Variants in KAT2B observed in about 807,000 individuals in gnomAD.
KAT2B encodes histone acetyltransferase KAT2B.
Under a neutral mutation model 105.9 loss-of-function variants are expected in KAT2B, and 36 were observed. The ratio of observed to expected loss-of-function variants is 0.34; its 90% CI spans 0.26 to 0.45. The LOEUF is 0.45. Ranked by LOEUF, KAT2B falls within the 20% of genes least tolerant of loss-of-function variation. The pLI is 1.00. For missense variants in KAT2B, 820 were observed against 1,021.6 expected, an observed-to-expected ratio of 0.80 and a Z score of 2.69; for synonymous variants, 397 against 377.9, an observed-to-expected ratio of 1.05 and a Z score of -0.59.
chr3:20,112,271 T>G (rs1699135710), intron 6 of KAT2B, among the ~76,000 whole-genome samples: 1 of 151,462 alleles, frequency 6.6e-6, no homozygotes, highest in Middle Eastern at 3.4e-3. Context: ...GAAACTAGAC[T>G]GCAAAAGCAG....
Position 20,140,375 on chromosome 3 carries a change from G to C in KAT2B, c.2004+11G>C. On this transcript the variant is annotated intron_variant, in intron 13 of 17. Transcript: ENST00000263754. ...AAAAAGCAGAAGGAGGTAAGCAGGT[G>C]GTTGACTCCCTTACCTTCTGTACAG... is the stretch of plus-strand genomic sequence containing the variant. 6.2e-7 allele frequency: 1 copy of C among 1,613,216 alleles called. No homozygotes were observed.
rs1697692139 is a variant in KAT2B, at chr3:20,040,524, C to T, written c.47C>T (p.Ala16Val). The T allele has an allele frequency of 4.9e-6, 5 of 1,025,172 alleles. No homozygotes were observed. In the South Asian group the frequency reaches 1.3e-4, roughly 27 times the overall value. The allele number at this position is 1,025,172 out of a possible 1,614,324, so 63.5% of individuals were successfully genotyped here. A position where few individuals can be genotyped will look rare whatever the true frequency, so the allele number is the denominator to read the frequency against. The stretch of plus-strand genomic sequence containing the variant: ...GGGCCGGGCGGCTGCGGGGCAGGAG[C>T]CGGGGCAGGGGCCGGGCCCGGGGCG... ...GAGPGGCGAG[A>V]GAGAGPGALP... is the part of the protein sequence containing the mutation. Residue 16 changes from alanine (A) to valine (V), a missense_variant, in exon 1 of 18, where the codon GCC becomes GTC. Ala to Val is a moderately conservative substitution (Grantham distance 64). This residue lies in a region of KAT2B where 190 missense variants were observed against 176.7 expected (regional missense o/e 1.08). Transcript: ENST00000263754.
At chr3:20,058,726 T>C (rs1357350280) in intron 1 of KAT2B, among the ~76,000 whole-genome samples, 1 of 152,158 alleles carries the variant, frequency 6.6e-6, no homozygotes. Context: ...ACTGGAAGGA[T>C]TGTCACACAG....
At chr3:20,087,419 A>G (rs953106277) in intron 2 of KAT2B, among the ~76,000 whole-genome samples, 3 of 146,106 alleles carry the variant, frequency 2.1e-5, no homozygotes, top group Admixed American at 2.0e-4. Flanking sequence ...TATCGTGTAT[A>G]ATGTGATATT....
chr3:20,129,503 T>C (rs1432754504), intron 11 of KAT2B, among the ~76,000 whole-genome samples: 1 of 151,932 alleles, frequency 6.6e-6, no homozygotes, highest in African/African-American at 2.4e-5. Flanking sequence ...GCCTCATGCG[T>C]AGCTGGGAAC....
At position 20,122,665 on chromosome 3, in the gene KAT2B, T is replaced by C. The variant is rs368666068; in HGVS notation, c.1277-3T>C. Reference sequence around the variant, plus strand: ...TGTTTGCCTTTTATTTTGATCATCATAGGAGAAAAGAGGAAAATGACTGAT... The same window carrying C: ...TGTTTGCCTTTTATTTTGATCATCACAGGAGAAAAGAGGAAAATGACTGAT... On this transcript the variant is annotated splice_polypyrimidine_tract_variant and splice_region_variant and intron_variant, in intron 8 of 17. Transcript: ENST00000263754. 5 of 1,612,328 alleles carry C rather than the reference T, an allele frequency of 3.1e-6. No individual in the cohort carries two copies. Among genetic ancestry groups the C allele is most frequent in the Non-Finnish European group, 3.4e-6 (4 of 1,178,780 alleles).
In KAT2B at chr3:20,095,342, T is replaced by C; in HGVS notation, c.510T>C (p.Tyr170=). Residue 170 remains tyrosine, a synonymous_variant, in exon 3 of 18, where the codon TAT becomes TAC. Coordinates refer to ENST00000263754, the MANE Select transcript of KAT2B (RefSeq NM_003884.5). ...RLLGIVLDVE[Y]LFTCVHKEED... Reference sequence around the variant, plus strand: ...TGGGAATAGTATTGGATGTGGAATATCTCTTTACCTGTGTCCACAAGGAAG... The same window carrying C: ...TGGGAATAGTATTGGATGTGGAATACCTCTTTACCTGTGTCCACAAGGAAG... 6.2e-7 allele frequency: 1 copy of C among 1,600,986 alleles called. No individual in the cohort carries two copies. The highest frequency in any genetic ancestry group is 8.6e-7 in the Non-Finnish European group (1 of 1,168,146).
chr3:20,087,353 A>T, intron 2 of KAT2B, among the ~76,000 whole-genome samples: 1 of 152,072 alleles, frequency 6.6e-6, no homozygotes, highest in South Asian at 2.1e-4. Flanking sequence ...ATGAGAAAAT[A>T]ATTTATTTTT....
intron 11 of KAT2B, among the ~76,000 whole-genome samples, chr3:20,128,231 C>T (rs3804560): frequency 0.12 from 17,788 of 152,170 alleles, 1,281 homozygotes; most frequent in South Asian, 0.35. Context: ...TTAATTTACA[C>T]ATACACGCAA....
intron 15 of KAT2B, 92 bp downstream of exon 15, chr3:20,148,091 C>T: frequency 1.4e-6 from 2 of 1,396,624 alleles, no homozygotes; most frequent in South Asian, 2.4e-5. Flanking sequence ...TAATTGTAAT[C>T]ACTAACACAA....
chr3:20,121,229 C>T (rs2125173767), intron 8 of KAT2B, among the ~76,000 whole-genome samples: 1 of 152,274 alleles, frequency 6.6e-6, no homozygotes, highest in South Asian at 2.1e-4. Flanking sequence ...GAATCGTCTA[C>T]AGTCAAGTTA....
chr3:20,069,424 CCTT>C (rs1698279306), intron 1 of KAT2B, among the ~76,000 whole-genome samples: 1 of 152,192 alleles, frequency 6.6e-6, no homozygotes, highest in East Asian at 1.9e-4. Flanking sequence ...CAACTTCTGT[CCTT>C]CTTGTTAGAG....
intron 2 of KAT2B, among the ~76,000 whole-genome samples, chr3:20,090,496 G>C (rs1046322124): frequency 2.6e-5 from 4 of 152,244 alleles, no homozygotes; most frequent in South Asian, 2.1e-4. Flanking sequence ...TTAATTTGCT[G>C]TATCAATTTA....
At chr3:20,063,212 C>T (rs779725220) in intron 1 of KAT2B, among the ~76,000 whole-genome samples, 7 of 151,944 alleles carry the variant, frequency 4.6e-5, no homozygotes, top group Non-Finnish European at 1.0e-4. Context: ...TGACTGCAGG[C>T]GTGCACCACT....
intron 5 of KAT2B, among the ~76,000 whole-genome samples, chr3:20,103,206 A>G (rs1420177641): frequency 1.3e-5 from 2 of 152,150 alleles, no homozygotes; most frequent in Non-Finnish European, 2.9e-5. Context: ...ACTCTTGTTT[A>G]TAATAAGAGT....
intron 11 of KAT2B, among the ~76,000 whole-genome samples, chr3:20,134,153 TA>T (rs1023117009): frequency 1.2e-4 from 18 of 152,322 alleles, no homozygotes; most frequent in African/African-American, 4.1e-4. Flanking sequence ...TTTTGCATTT[TA>T]TTTTTTCTTT....
At chr3:20,065,101 A>G (rs1013410232) in intron 1 of KAT2B, among the ~76,000 whole-genome samples, 4 of 152,170 alleles carry the variant, frequency 2.6e-5, no homozygotes, top group Non-Finnish European at 5.9e-5. Flanking sequence ...TCGGTTGCAT[A>G]CTATTGACCT....
At chr3:20,048,511 A>C (rs887949852) in intron 1 of KAT2B, among the ~76,000 whole-genome samples, 9 of 152,126 alleles carry the variant, frequency 5.9e-5, no homozygotes, top group Middle Eastern at 3.2e-3. Flanking sequence ...TGCGGTTGTT[A>C]AGTAAATCCA....
chr3:20,119,881 G>A (rs562793052), intron 8 of KAT2B, among the ~76,000 whole-genome samples, 158 bp downstream of exon 8: 27 of 152,314 alleles, frequency 1.8e-4, no homozygotes, highest in Non-Finnish European at 2.8e-4. Flanking sequence ...GGCTGTACTG[G>A]TTAGTTATTG....
Sources: gnomAD v4.1 joint callset for allele counts (sites outside exome capture counted in the v4.1 genomes callset) on GRCh38, gnomAD v4.1.1 for gene constraint, gnomAD v4.1.1 regional missense constraint, MANE v1.5 for transcripts, NCBI Gene and HGNC (gene_info 2026-07-23, HGNC 2026-07-21) for gene names.